PCDHGB4: variants seen among roughly 807,000 people sequenced by gnomAD.
PCDHGB4 encodes the protein protocadherin gamma subfamily B, 4.
PCDHGB4 carries 38 observed loss-of-function variants against 60.5 expected under a neutral mutation model. That is an observed-to-expected ratio of 0.63 (90% confidence interval 0.48 to 0.82). The LOEUF is 0.82. Ranked by LOEUF, PCDHGB4 falls within the 40% of genes least tolerant of loss-of-function variation. The pLI, the probability that PCDHGB4 is intolerant of heterozygous loss-of-function variation, is 0.00. For missense variants in PCDHGB4, 1,109 were observed against 1,209.6 expected (o/e 0.92, Z 1.23); for synonymous variants, 456 against 509.7 (o/e 0.89, Z 1.42).
chr5:141,510,656 A>C (rs761093897), intron 3 of PCDHGB4, among the ~76,000 whole-genome samples: 4 of 152,304 alleles, frequency 2.6e-5, no homozygotes, highest in Non-Finnish European at 5.9e-5. Flanking sequence ...CCCATTTTGC[A>C]GATGAGAAAA....
In PCDHGB4 at chr5:141,404,188, A is replaced by C. The variant is rs1001365354; in HGVS notation, c.2397+13907A>C. On this transcript the variant is annotated intron_variant, in intron 1 of 3. Transcript: ENST00000519479. Reference sequence around the variant, plus strand: ...TGTTGACGGCCCAAATTCTTGACCGAGAAAAAGCCTCAGAATATAATATCA... The same window carrying C: ...TGTTGACGGCCCAAATTCTTGACCGCGAAAAAGCCTCAGAATATAATATCA... 3.7e-6 allele frequency: 6 copies of C among 1,613,398 alleles called. No individual in the cohort carries two copies. The African/African-American group carries it at 5.3e-5, about 14-fold the overall frequency.
At position 141,487,421 on chromosome 5, in the gene PCDHGB4, C is replaced by A. The variant is rs1365581881; in HGVS notation, c.2398-7386C>A. On this transcript the variant is annotated intron_variant, in intron 1 of 3. Coordinates refer to ENST00000519479, the MANE Select transcript of PCDHGB4 (RefSeq NM_003736.4). This position sits in a 1 kb window ranked among gnomAD's most constrained non-coding sequence, Gnocchi z 5.0. ...GGGGCTTCCCCCTTCCAATGGGATC[C>A]TCCGAATCCAGCTAGGGTCAGATGA... 2 of 1,614,026 alleles carry A rather than the reference C, an allele frequency of 1.2e-6. No individual in the cohort carries two copies. Among genetic ancestry groups the A allele is most frequent in the South Asian group, 1.1e-5 (1 of 91,086 alleles).
intron 1 of PCDHGB4, chr5:141,399,517 G>A: frequency 1.9e-6 from 3 of 1,613,998 alleles, no homozygotes; most frequent in Non-Finnish European, 2.5e-6. Flanking sequence ...CAACCCTCCT[G>A]GGGCCTCCAT....
At chr5:141,402,884 T>G in intron 1 of PCDHGB4, 1 of 1,481,582 alleles carries the variant, frequency 6.7e-7, no homozygotes, top group Non-Finnish European at 9.0e-7. Flanking sequence ...CTTTGCAGGG[T>G]GGAAGAAAGA....
intron 3 of PCDHGB4, among the ~76,000 whole-genome samples, chr5:141,508,506 C>G (rs2099869342): frequency 6.6e-6 from 1 of 152,180 alleles, no homozygotes; most frequent in Admixed American, 6.5e-5. Context: ...TCTCTCCCTC[C>G]TGGTCCAGCC....
At chr5:141,500,455 C>T (rs1254764658) in intron 2 of PCDHGB4, among the ~76,000 whole-genome samples, 4 of 151,986 alleles carry the variant, frequency 2.6e-5, no homozygotes, top group Non-Finnish European at 5.9e-5. Context: ...GTGATCCGCC[C>T]GCCTCGGCCT....
At chr5:141,447,197 T>C (rs1249080495) in intron 1 of PCDHGB4, among the ~76,000 whole-genome samples, 7 of 152,188 alleles carry the variant, frequency 4.6e-5, no homozygotes, top group Admixed American at 4.6e-4. Context: ...TGGAGTGCAA[T>C]GGCTTGATCT....
At chr5:141,412,729 T>C (rs1411212101) in intron 1 of PCDHGB4, 1 of 153,332 alleles carries the variant, frequency 6.5e-6, no homozygotes, top group Non-Finnish European at 1.5e-5. Flanking sequence ...GAAAACGTGT[T>C]GCAAATATAT....
intron 1 of PCDHGB4, among the ~76,000 whole-genome samples, chr5:141,461,433 C>A (rs183800312): frequency 1.3e-5 from 2 of 151,970 alleles, no homozygotes; most frequent in Non-Finnish European, 1.5e-5. Context: ...CATTTGTATA[C>A]CTTCTTTTGA....
intron 2 of PCDHGB4, among the ~76,000 whole-genome samples, chr5:141,502,500 G>A (rs1398797155): frequency 6.6e-6 from 1 of 152,046 alleles, no homozygotes; most frequent in Non-Finnish European, 1.5e-5. Context: ...ATCTAACGTC[G>A]GCCTGTCCCA....
At chr5:141,400,420 T>C (rs1323719998) in intron 1 of PCDHGB4, 1 of 1,613,936 alleles carries the variant, frequency 6.2e-7, no homozygotes, top group Non-Finnish European at 8.5e-7. Context: ...TTTCCTAAAA[T>C]GTAGTGAGCA....
At chr5:141,423,833 T>A in intron 1 of PCDHGB4, 1 of 1,262,398 alleles carries the variant, frequency 7.9e-7, no homozygotes, top group Non-Finnish European at 1.0e-6. Context: ...TTCATGAGAT[T>A]ACGATAATCT....
Position 141,511,703 on chromosome 5 carries a change from T to G in PCDHGB4, c.*530T>G, listed in dbSNP as rs148447880. On this transcript the variant is annotated 3_prime_UTR_variant, in exon 4 of 4. Coordinates refer to ENST00000519479, the MANE Select transcript of PCDHGB4 (RefSeq NM_003736.4). ...AAAGCATGGTTTGGTGCCAGCCCCT[T>G]CACCTCCTTCCAGAGCCCAAGATCA... The G allele has an allele frequency of 1.1e-4, 21 of 189,942 alleles. No homozygotes were observed. In the East Asian group the frequency reaches 2.4e-3, roughly 22 times the overall value. 11.8% of individuals were successfully genotyped at this position (189,942 alleles called of 1,614,324 possible).
rs764729742 is a variant in PCDHGB4 at position 141,450,826 on chromosome 5, A to ATTT, written c.2398-43979_2398-43978insTTT. On this transcript the variant is annotated intron_variant, in intron 1 of 3. Coordinates refer to ENST00000519479, the MANE Select transcript of PCDHGB4 (RefSeq NM_003736.4). ...TATTTATTTATTTAATATTATTATT[A>ATTT]TTATTTTTTTTTTTTTGAGATGGGG... 5.5e-3 allele frequency among the ~76,000 whole-genome samples: 742 copies of ATTT among 134,318 alleles called. 10 individuals are homozygous for ATTT. The highest frequency in any genetic ancestry group is 0.013 in the Middle Eastern group (3 of 230). 88.1% of individuals were successfully genotyped at this position (134,318 alleles called of 152,430 possible).
At chr5:141,478,251 T>C in intron 1 of PCDHGB4, 1 of 1,614,072 alleles carries the variant, frequency 6.2e-7, no homozygotes, top group Non-Finnish European at 8.5e-7. Context: ...GTGTTCGGAG[T>C]AATCATATTC....
At chr5:141,458,172 T>C (rs1023447659) in intron 1 of PCDHGB4, among the ~76,000 whole-genome samples, 2 of 152,216 alleles carry the variant, frequency 1.3e-5, no homozygotes, top group African/African-American at 4.8e-5. Flanking sequence ...CACAGTAGTA[T>C]ACCTTACTTG....
Position 141,486,915 on chromosome 5 carries a change from C to G in PCDHGB4, c.2398-7892C>G. The G allele has an allele frequency of 6.2e-7, 1 of 1,614,244 alleles. No individual in the cohort carries two copies. The highest frequency in any genetic ancestry group is 8.5e-7 in the Non-Finnish European group (1 of 1,180,046). ...GGTTCCTTATGTCCCCAAGCACTGCCTCCATCAGTTGGTGCTGGCCACCTA... is the reference window on the plus strand; with the variant it reads ...GGTTCCTTATGTCCCCAAGCACTGCGTCCATCAGTTGGTGCTGGCCACCTA... On this transcript the variant is annotated intron_variant, in intron 1 of 3. Transcript: ENST00000519479. This position sits in a 1 kb window ranked among gnomAD's most constrained non-coding sequence, Gnocchi z 5.0.
rs766865642 is a variant in PCDHGB4, at chr5:141,400,084, A to G, written c.2397+9803A>G. 34 of 1,613,852 alleles carry G rather than the reference A, an allele frequency of 2.1e-5. No homozygotes were observed. The highest frequency in any genetic ancestry group is 2.0e-4 in the Admixed American group (12 of 60,006). On this transcript the variant is annotated intron_variant, in intron 1 of 3. Transcript: ENST00000519479. The stretch of plus-strand genomic sequence containing the variant: ...TGGTGGACAGCCGCCACTCTCCGCC[A>G]CCGCCACGCTGCACTTGGTCTTTGC...
At chr5:141,399,798 G>T (rs2093890900) in intron 1 of PCDHGB4, 2 of 1,613,118 alleles carry the variant, frequency 1.2e-6, no homozygotes, top group Non-Finnish European at 1.7e-6. Context: ...ACGCACCGCG[G>T]GTGCTGTACC....
Sources: allele counts gnomAD v4.1 joint callset (sites outside exome capture counted in the v4.1 genomes callset), GRCh38; gene constraint gnomAD v4.1.1; non-coding constraint Gnocchi (gnomAD v3.1); transcripts MANE v1.5; gene names NCBI Gene and HGNC (gene_info 2026-07-23, HGNC 2026-07-21).